ZC3H12B: variants seen among roughly 807,000 people sequenced by gnomAD.
ZC3H12B encodes probable ribonuclease ZC3H12B.
A neutral mutation model predicts 43.9 loss-of-function variants in ZC3H12B; 7 were observed. The ratio of observed to expected loss-of-function variants is 0.16; its 90% CI spans 0.09 to 0.30. The LOEUF (loss-of-function observed/expected upper bound fraction) is 0.30. Among genes scored for constraint, ZC3H12B ranks in the 10% least tolerant of loss-of-function variants. The pLI is 1.00. For missense variants in ZC3H12B, 475 were observed against 670.2 expected (o/e 0.71, Z 3.22); for synonymous variants, 222 against 241.7 (o/e 0.92, Z 0.76).
At chrX:65,345,146 C>T in the ZC3H12B span, among the ~76,000 whole-genome samples, 2 of 112,118 alleles carry the variant, frequency 1.8e-5, no homozygotes, top group East Asian at 5.6e-4. Flanking sequence ...GTCATTTCCA[C>T]GAAGAGCTAA....
the ZC3H12B span, among the ~76,000 whole-genome samples, chrX:65,151,826 T>A: frequency 9.0e-6 from 1 of 111,256 alleles, no homozygotes; most frequent in African/African-American, 3.3e-5. Context: ...GATGCAAAAA[T>A]CCTCAATAAA....
chrX:65,230,718 T>A, the ZC3H12B span, among the ~76,000 whole-genome samples: 1 of 110,721 alleles, frequency 9.0e-6, no homozygotes. Context: ...AGTAATGATT[T>A]CCCCAGACAA....
At chrX:65,134,404 G>A in the ZC3H12B span, among the ~76,000 whole-genome samples, 1 of 111,675 alleles carries the variant, frequency 9.0e-6, no homozygotes, top group East Asian at 2.8e-4. Context: ...CCTAGTCCGT[G>A]ACCAGCACTG....
chrX:65,233,152 G>A, the ZC3H12B span, among the ~76,000 whole-genome samples: 1 of 111,536 alleles, frequency 9.0e-6, no homozygotes, highest in East Asian at 2.8e-4. Flanking sequence ...TTACAGTGGG[G>A]GACATTGAAT....
chrX:65,456,822 C>T (rs890101176), intron 3 of ZC3H12B, among the ~76,000 whole-genome samples: 18 of 109,326 alleles, frequency 1.6e-4, no homozygotes, highest in African/African-American at 5.6e-4. Context: ...CCTGCCTTGG[C>T]CTCCCAAAGT....
At chrX:65,333,913 G>A in the ZC3H12B span, among the ~76,000 whole-genome samples, 2 of 111,535 alleles carry the variant, frequency 1.8e-5, no homozygotes, top group African/African-American at 3.3e-5. Flanking sequence ...AGTCATATCA[G>A]AATTATAGGA....
chrX:65,191,590 G>T, the ZC3H12B span, among the ~76,000 whole-genome samples: 1 of 103,852 alleles, frequency 9.6e-6, no homozygotes, highest in South Asian at 3.9e-4. Flanking sequence ...TTTGCATAGA[G>T]GTGTTTGTAG....
chrX:65,096,702 A>G, the ZC3H12B span, among the ~76,000 whole-genome samples: 2 of 112,054 alleles, frequency 1.8e-5, no homozygotes, highest in South Asian at 7.4e-4. Flanking sequence ...AGAGTATCCA[A>G]GAATTTTGCC....
chrX:65,323,162 G>A, the ZC3H12B span, among the ~76,000 whole-genome samples: 1 of 111,921 alleles, frequency 8.9e-6, no homozygotes, highest in Non-Finnish European at 1.9e-5. Context: ...GATAACTCTG[G>A]CAAGGACTTC....
chrX:65,155,315 TC>T, the ZC3H12B span, among the ~76,000 whole-genome samples: 1 of 110,382 alleles, frequency 9.1e-6, no homozygotes, highest in Non-Finnish European at 1.9e-5. Context: ...ATATGCTTTC[TC>T]TGTATCTCTT....
At chrX:65,434,736 G>A (rs1230041313) in intron 3 of ZC3H12B, among the ~76,000 whole-genome samples, 1 of 111,342 alleles carries the variant, frequency 9.0e-6, no homozygotes, top group Non-Finnish European at 1.9e-5. Context: ...GTCTAGTTAT[G>A]GGTCTAGAAG....
the ZC3H12B span, among the ~76,000 whole-genome samples, chrX:65,261,976 A>G: frequency 9.1e-6 from 1 of 110,375 alleles, no homozygotes; most frequent in African/African-American, 3.3e-5. Flanking sequence ...TTGGTCTGTC[A>G]GTCTTTGAAG....
At chrX:65,371,355 T>C (rs1486807123) in intron 2 of ZC3H12B, among the ~76,000 whole-genome samples, 1 of 111,597 alleles carries the variant, frequency 9.0e-6, no homozygotes, top group East Asian at 2.8e-4. Flanking sequence ...GCCTCAAGGA[T>C]GTTAAAGGTC....
intron 3 of ZC3H12B, among the ~76,000 whole-genome samples, chrX:65,443,134 C>T (rs1053079714): frequency 4.5e-5 from 5 of 111,762 alleles, no homozygotes; most frequent in Non-Finnish European, 9.4e-5. Flanking sequence ...CGTTCCTCCT[C>T]ATTATCAGTG....
At chrX:65,044,957 T>A in the ZC3H12B span, among the ~76,000 whole-genome samples, 2 of 107,447 alleles carry the variant, frequency 1.9e-5, no homozygotes, top group Non-Finnish European at 3.8e-5. Flanking sequence ...TAGCAAGACC[T>A]CATCCCTACT....
chrX:65,184,009 C>T, the ZC3H12B span, among the ~76,000 whole-genome samples: 3 of 110,822 alleles, frequency 2.7e-5, no homozygotes, highest in Non-Finnish European at 5.7e-5. Context: ...ATGGACTGCC[C>T]AGCATATTTG....
At chrX:65,287,300 C>T in the ZC3H12B span, among the ~76,000 whole-genome samples, 5 of 111,576 alleles carry the variant, frequency 4.5e-5, no homozygotes, top group Admixed American at 2.9e-4. Flanking sequence ...AAACAAGTCT[C>T]AACATATTTT....
At chrX:65,182,333 A>T in the ZC3H12B span, among the ~76,000 whole-genome samples, 1 of 111,253 alleles carries the variant, frequency 9.0e-6, no homozygotes, top group Non-Finnish European at 1.9e-5. Context: ...ATGGGTTGAT[A>T]GGTGTAGCAA....
the ZC3H12B span, among the ~76,000 whole-genome samples, chrX:65,237,380 G>A: frequency 1.8e-5 from 2 of 111,145 alleles, no homozygotes; most frequent in African/African-American, 3.3e-5. Flanking sequence ...ATGTTGGTAT[G>A]TAGAAATGCT....
Sources: allele counts gnomAD v4.1 joint callset (sites outside exome capture counted in the v4.1 genomes callset), GRCh38; gene constraint gnomAD v4.1.1; transcripts MANE v1.5; gene names NCBI Gene and HGNC (gene_info 2026-07-23, HGNC 2026-07-21).